MICAL3: variants seen among roughly 807,000 people sequenced by gnomAD.
MICAL3 encodes the protein microtubule associated monooxygenase, calponin and LIM domain containing 3, also known as [F-actin]-monooxygenase MICAL3.
MICAL3 carries 62 observed loss-of-function variants against 207.4 expected under a neutral mutation model. The ratio of observed to expected loss-of-function variants is 0.30; its 90% CI spans 0.24 to 0.37. The LOEUF is 0.37. MICAL3 is among the 10% of genes least tolerant of loss of function. The pLI is 1.00. For synonymous variants in MICAL3, 1,077 were observed against 1,069.3 expected (o/e 1.01, Z -0.14); for missense variants, 2,368 against 2,635.6 (o/e 0.90, Z 2.22).
chr22:17,981,516 AT>A (rs74540110), intron 1 of MICAL3, among the ~76,000 whole-genome samples: 38,866 of 151,994 alleles, frequency 0.26, 5,429 homozygotes, highest in East Asian at 0.51. Flanking sequence ...GCAATGTTAA[AT>A]TTTTTTTCAT....
chr22:17,992,066 G>A (rs1370141612), intron 1 of MICAL3, among the ~76,000 whole-genome samples: 1 of 152,180 alleles, frequency 6.6e-6, no homozygotes, highest in Non-Finnish European at 1.5e-5. Context: ...AAAGGGCACA[G>A]ACTGCAAAAC....
chr22:17,889,053 C>T lies in MICAL3; in HGVS notation c.1872G>A (p.Lys624=), dbSNP rs201514293. The change falls in exon 13 of 32, where the codon AAG becomes AAA. Residue 624 remains lysine (K), a synonymous_variant. Coordinates refer to ENST00000441493, the MANE Select transcript of MICAL3 (RefSeq NM_015241.3). The stretch of plus-strand genomic sequence containing the variant: ...CCTTACCGCTAGAGGGGAGGGAGTC[C>T]TTAAACATCTCGTAGAACTGAGTCA... ...MYLTQFYEMF[K]DSLPSSDTLD... 77 of 1,608,140 alleles carry T rather than the reference C, an allele frequency of 4.8e-5. No homozygotes were observed. The African/African-American group carries it at 9.9e-4, about 21-fold the overall frequency.
chr22:17,941,061 T>A (rs1933783553), intron 1 of MICAL3, among the ~76,000 whole-genome samples: 1 of 152,130 alleles, frequency 6.6e-6, no homozygotes, highest in Non-Finnish European at 1.5e-5. Context: ...GGCCACGGGA[T>A]GAATGGGCCA....
At chr22:17,872,983 C>T (rs1366253177) in intron 16 of MICAL3, 4 of 672,806 alleles carry the variant, frequency 5.9e-6, no homozygotes, top group Non-Finnish European at 1.1e-5. Flanking sequence ...GGTGCAGCAG[C>T]AAACCATGCC....
intron 1 of MICAL3, among the ~76,000 whole-genome samples, chr22:17,914,807 A>G (rs1932375219): frequency 6.6e-6 from 1 of 152,230 alleles, no homozygotes; most frequent in Non-Finnish European, 1.5e-5. Context: ...CAGTGCTAAC[A>G]CAGTATGTAT....
chr22:17,921,912 C>G (rs1049115402), intron 1 of MICAL3, among the ~76,000 whole-genome samples: 7 of 152,126 alleles, frequency 4.6e-5, no homozygotes, highest in Non-Finnish European at 8.8e-5. Context: ...AAACCCTCAG[C>G]AAGGCCCAAA....
At chr22:17,810,651 G>A (rs1021617688) in intron 28 of MICAL3, 52 bp downstream of exon 28, 5 of 1,422,670 alleles carry the variant, frequency 3.5e-6, no homozygotes, top group African/African-American at 1.4e-5. Context: ...ATAGGGAGAT[G>A]CTGCCCAACC....
intron 8 of MICAL3, 100 bp from the exon 9 acceptor site, chr22:17,896,461 T>C (rs1024799938): frequency 8.6e-6 from 7 of 811,308 alleles, no homozygotes; most frequent in Admixed American, 7.4e-5. Flanking sequence ...ACAGTAGTGT[T>C]TGGCAACTGT....
rs1931264054 is a variant in MICAL3, at chr22:17,900,834, A to C, written c.847+8T>G. 3 of 1,613,922 alleles carry C rather than the reference A, an allele frequency of 1.9e-6. No individual in the cohort carries two copies. Among genetic ancestry groups the C allele is most frequent in the Non-Finnish European group, 2.5e-6 (3 of 1,179,804 alleles). ...CTATCCTAGGGCTCCGGAGACATCA[A>C]CACCAACCTGTGGCTTCCCTCAGTT... is the stretch of plus-strand genomic sequence containing the variant. On this transcript the variant is annotated splice_region_variant and intron_variant, in intron 6 of 31. Coordinates refer to ENST00000441493, the MANE Select transcript of MICAL3 (RefSeq NM_015241.3). The surrounding 1 kb of genome is among the most constrained non-coding windows in gnomAD (Gnocchi z 4.0).
chr22:17,844,507 T>C (rs1924430524), intron 19 of MICAL3, among the ~76,000 whole-genome samples: 1 of 152,224 alleles, frequency 6.6e-6, no homozygotes, highest in Non-Finnish European at 1.5e-5. Context: ...GATAAGGTCT[T>C]GGCACATCTG....
intron 19 of MICAL3, chr22:17,861,093 C>T (rs1400777265): frequency 1.0e-6 from 1 of 985,268 alleles, no homozygotes. Context: ...TCTCTTGCTC[C>T]ACTAAAAAGC....
intron 1 of MICAL3, among the ~76,000 whole-genome samples, chr22:17,960,415 T>A (rs1199788452): frequency 6.6e-6 from 1 of 152,200 alleles, no homozygotes; most frequent in Non-Finnish European, 1.5e-5. Context: ...TGCCAGGCAC[T>A]GAAGGCAGAA....
Position 17,853,211 on chromosome 22 carries a change from G to A in MICAL3, c.2606-11194C>T, listed in dbSNP as rs181053920. Among the ~76,000 whole-genome samples, 353 of 152,306 alleles carry A rather than the reference G, an allele frequency of 2.3e-3. 2 individuals are homozygous for A. Among genetic ancestry groups the A allele is most frequent in the African/African-American group, 8.2e-3 (339 of 41,544 alleles). On this transcript the variant is annotated intron_variant, in intron 19 of 31. Transcript: ENST00000441493. The stretch of plus-strand genomic sequence containing the variant: ...TTCACATCCCATTCACGCAGGCTGA[G>A]GGAAAAAGCAATGCCAAATTTAGCC...
intron 1 of MICAL3, among the ~76,000 whole-genome samples, chr22:17,982,079 T>G (rs1034263484): frequency 4.0e-5 from 6 of 151,632 alleles, no homozygotes; most frequent in African/African-American, 1.5e-4. Flanking sequence ...CACTCCAGCC[T>G]GGGCAACAGA....
intron 1 of MICAL3, among the ~76,000 whole-genome samples, chr22:17,950,478 TAC>T (rs1934292104): frequency 6.6e-6 from 1 of 151,618 alleles, no homozygotes; most frequent in Non-Finnish European, 1.5e-5. Flanking sequence ...TAGCTGGGAC[TAC>T]AGGTGCCCAC....
At chr22:17,863,705 G>C in intron 19 of MICAL3, 1 of 985,412 alleles carries the variant, frequency 1.0e-6, no homozygotes, top group Non-Finnish European at 1.2e-6. Context: ...CCTAGCCTCT[G>C]GGCGCATCTT....
chr22:17,843,730 C>T (rs562868518), intron 19 of MICAL3, among the ~76,000 whole-genome samples: 2 of 152,350 alleles, frequency 1.3e-5, no homozygotes, highest in Admixed American at 1.3e-4. Flanking sequence ...AGTAATATTT[C>T]CCCACCACTG....
chr22:17,982,740 A>C (rs79831898), intron 1 of MICAL3, among the ~76,000 whole-genome samples: 17 of 125,262 alleles, frequency 1.4e-4, no homozygotes, highest in African/African-American at 4.9e-4. Context: ...ATAAAAATAA[A>C]ATAAAATAAA....
chr22:17,870,302 G>C (rs1927581644), intron 17 of MICAL3, among the ~76,000 whole-genome samples: 1 of 152,100 alleles, frequency 6.6e-6, no homozygotes, highest in Non-Finnish European at 1.5e-5. Flanking sequence ...GGTCAGGGAG[G>C]TCATCCCAAG....
Sources: allele counts gnomAD v4.1 joint callset (sites outside exome capture counted in the v4.1 genomes callset), GRCh38; gene constraint gnomAD v4.1.1; non-coding constraint Gnocchi (gnomAD v3.1); transcripts MANE v1.5; gene names NCBI Gene and HGNC (gene_info 2026-07-23, HGNC 2026-07-21).